Variants in CAVIN1 observed in about 807,000 individuals in gnomAD.
CAVIN1 encodes the protein caveolae associated protein 1.
In CAVIN1, 16 loss-of-function variants were observed where a neutral mutation model predicts 24.0. That is an observed-to-expected ratio of 0.67 (90% confidence interval 0.45 to 1.01). The LOEUF is 1.01. Among genes scored for constraint, CAVIN1 ranks in the 50% least tolerant of loss-of-function variants. The pLI, the probability that CAVIN1 is intolerant of heterozygous loss-of-function variation, is 0.00. For missense variants in CAVIN1, 510 were observed against 551.7 expected (o/e 0.92, Z 0.76); for synonymous variants, 256 against 256.4 (o/e 1.00, Z 0.02).
intron 1 of CAVIN1, among the ~76,000 whole-genome samples, chr17:42,416,149 C>A (rs937997932): frequency 3.3e-5 from 5 of 151,996 alleles, no homozygotes; most frequent in African/African-American, 4.8e-5. Flanking sequence ...AGGTGGATCA[C>A]CTGAGGTCAG....
intron 1 of CAVIN1, among the ~76,000 whole-genome samples, chr17:42,411,207 A>AAAAAAAAAAAAAACAAC: frequency 7.8e-6 from 1 of 127,618 alleles, no homozygotes; most frequent in East Asian, 3.2e-4. Context: ...AAAAAAAAAA[A>AAAAAAAAAAAAAACAAC]AACTAAAAGG....
In CAVIN1 at chr17:42,423,083, C is replaced by A; in HGVS notation, c.15G>T (p.Thr5=). ...GAAGCGGCCGCTCGACAATATAGAGCGTGGGGTCCTCCATGGCTACCCGGA... is the reference window on the plus strand; with the variant it reads ...GAAGCGGCCGCTCGACAATATAGAGAGTGGGGTCCTCCATGGCTACCCGGA... MEDP[T]LYIVERPLPG... Residue 5 remains threonine, a synonymous_variant, in exon 1 of 2, where the codon ACG becomes ACT. Coordinates refer to ENST00000357037, the MANE Select transcript of CAVIN1 (RefSeq NM_012232.6). 1 of 1,587,874 alleles carries A rather than the reference C, an allele frequency of 6.3e-7. No individual in the cohort carries two copies. Among genetic ancestry groups the A allele is most frequent in the Non-Finnish European group, 8.6e-7 (1 of 1,167,336 alleles).
intron 1 of CAVIN1, among the ~76,000 whole-genome samples, chr17:42,407,274 G>T (rs529798931): frequency 6.6e-6 from 1 of 152,020 alleles, no homozygotes; most frequent in Non-Finnish European, 1.5e-5. Context: ...ATGAAGGAAC[G>T]AGAGATAGTC....
rs1000346204 is a variant in CAVIN1, at chr17:42,421,164, C to G, written c.471+1463G>C. On this transcript the variant is annotated intron_variant, in intron 1 of 1. Coordinates refer to ENST00000357037, the MANE Select transcript of CAVIN1 (RefSeq NM_012232.6). ...GTGGGGAGGGGGACAAGTGCCACTT[C>G]TGCCTCTGTCCCACCACCTCAGATA... 3.3e-5 allele frequency among the ~76,000 whole-genome samples: 5 copies of G among 152,134 alleles called. No individual in the cohort carries two copies. In the East Asian group the frequency reaches 9.6e-4, roughly 29 times the overall value.
rs576279592 is a variant in CAVIN1 at position 42,402,528 on chromosome 17, A to G, written c.*2159T>C. ...TGAGAGGTTCCCCAAGCCCACAGAAAACTGCATCTGCCCACAGCTCAGGCC... is the reference window on the plus strand; with the variant it reads ...TGAGAGGTTCCCCAAGCCCACAGAAGACTGCATCTGCCCACAGCTCAGGCC... On this transcript the variant is annotated 3_prime_UTR_variant, in exon 2 of 2. Coordinates refer to ENST00000357037, the MANE Select transcript of CAVIN1 (RefSeq NM_012232.6). The G allele has an allele frequency of 6.6e-6, 1 of 152,426 alleles. No homozygotes were observed. Among genetic ancestry groups the G allele is most frequent in the East Asian group, 1.9e-4 (1 of 5,218 alleles). 9.4% of individuals were successfully genotyped at this position (152,426 alleles called of 1,614,324 possible).
intron 1 of CAVIN1, chr17:42,411,747 C>T: frequency 1.0e-6 from 1 of 985,410 alleles, no homozygotes; most frequent in Non-Finnish European, 1.2e-6. Flanking sequence ...GAACCAGAAG[C>T]CATGCGCCTT....
At position 42,423,145 on chromosome 17, in the gene CAVIN1, G is replaced by T; in HGVS notation, c.-48C>A. On this transcript the variant is annotated 5_prime_UTR_variant, in exon 1 of 2. Coordinates refer to ENST00000357037, the MANE Select transcript of CAVIN1 (RefSeq NM_012232.6). ...CCGGCCGGGTGGGGCTGGAGCTGGA[G>T]CGGGAGACCCGGAGAGAAGCAGGAG... 1.4e-6 allele frequency: 2 copies of T among 1,407,478 alleles called. No homozygotes were observed. The highest frequency in any genetic ancestry group is 1.9e-6 in the Non-Finnish European group (2 of 1,044,264). 87.2% of individuals were successfully genotyped at this position (1,407,478 alleles called of 1,614,324 possible). A position where few individuals can be genotyped will look rare whatever the true frequency, so the allele number is the denominator to read the frequency against.
intron 1 of CAVIN1, chr17:42,411,632 G>A (rs2085479480): frequency 1.0e-6 from 1 of 985,242 alleles, no homozygotes. Context: ...TGGGTGGAGA[G>A]GGCACAGAAC....
chr17:42,416,726 A>C (rs2085514262), intron 1 of CAVIN1, among the ~76,000 whole-genome samples: 1 of 151,770 alleles, frequency 6.6e-6, no homozygotes, highest in South Asian at 2.1e-4. Context: ...ACCCAAACTC[A>C]GTTTGGGAGG....
At chr17:42,415,339 C>G (rs1159974540) in intron 1 of CAVIN1, among the ~76,000 whole-genome samples, 1 of 152,190 alleles carries the variant, frequency 6.6e-6, no homozygotes, top group African/African-American at 2.4e-5. Flanking sequence ...AGTGACTTCC[C>G]CTCTCTGGGC....
chr17:42,408,410 G>T (rs2085457671), intron 1 of CAVIN1, among the ~76,000 whole-genome samples: 1 of 152,164 alleles, frequency 6.6e-6, no homozygotes, highest in Non-Finnish European at 1.5e-5. Flanking sequence ...TATAGCCAAT[G>T]CCATCTTCCT....
At chr17:42,419,551 TC>T in intron 1 of CAVIN1, among the ~76,000 whole-genome samples, 1 of 152,198 alleles carries the variant, frequency 6.6e-6, no homozygotes, top group African/African-American at 2.4e-5. Context: ...CCTCAAGTGA[TC>T]CACCTGCCTC....
At chr17:42,407,665 C>T (rs997540370) in intron 1 of CAVIN1, among the ~76,000 whole-genome samples, 2 of 152,208 alleles carry the variant, frequency 1.3e-5, no homozygotes, top group African/African-American at 4.8e-5. Flanking sequence ...CTCTGTTACC[C>T]AACTACACCT....
rs544357797 is a variant in CAVIN1 at position 42,407,033 on chromosome 17, T to C, written c.472-1645A>G. ...CCATGACCCTGGAGCTCAGAACCAGTTCTTTGCTTTTCTGTCTTCTCCTTG... is the reference window on the plus strand; with the variant it reads ...CCATGACCCTGGAGCTCAGAACCAGCTCTTTGCTTTTCTGTCTTCTCCTTG... On this transcript the variant is annotated intron_variant, in intron 1 of 1. Coordinates refer to ENST00000357037, the MANE Select transcript of CAVIN1 (RefSeq NM_012232.6). 5.9e-5 allele frequency among the ~76,000 whole-genome samples: 9 copies of C among 151,964 alleles called. No homozygotes were observed. In the East Asian group the frequency reaches 1.7e-3, roughly 30 times the overall value.
chr17:42,420,066 TC>T (rs1394955854), intron 1 of CAVIN1, among the ~76,000 whole-genome samples: 1 of 144,302 alleles, frequency 6.9e-6, no homozygotes, highest in African/African-American at 2.6e-5. Flanking sequence ...GGCCTTCCCA[TC>T]CCTTGGTGTT....
In CAVIN1 at chr17:42,423,039, T is replaced by C; in HGVS notation, c.59A>G (p.Glu20Gly). ...ERPLPGYPDA[E>G]APEPSSAGAQ... ...CCCAGCGGAGGAAGGCTCCGGGGCC[T>C]CGGCGTCGGGGTACCCGGGAAGCGG... Residue 20 changes from glutamate to glycine, a missense_variant, in exon 1 of 2, where the codon GAG becomes GGG. By Grantham distance (98) the Glu-to-Gly change is moderately conservative (BLOSUM62 -2). Coordinates refer to ENST00000357037, the MANE Select transcript of CAVIN1 (RefSeq NM_012232.6). 2.5e-6 allele frequency: 4 copies of C among 1,610,804 alleles called. No individual in the cohort carries two copies. Among genetic ancestry groups the C allele is most frequent in the Non-Finnish European group, 3.4e-6 (4 of 1,179,052 alleles).
chr17:42,419,254 T>C (rs2053325383), intron 1 of CAVIN1, among the ~76,000 whole-genome samples: 1 of 152,124 alleles, frequency 6.6e-6, no homozygotes, highest in Non-Finnish European at 1.5e-5. Flanking sequence ...ATTGGTTCTT[T>C]AATGATCATA....
Position 42,405,043 on chromosome 17 carries a change from GCTTCTCCAGGGTGTGCCGCGT to G in CAVIN1, c.796_816del (p.Thr266_Lys272del), listed in dbSNP as rs1567776284. 1 of 1,614,154 alleles carries G rather than the reference GCTTCTCCAGGGTGTGCCGCGT, an allele frequency of 6.2e-7. No individual in the cohort carries two copies. Among genetic ancestry groups the G allele is most frequent in the Admixed American group, 1.7e-5 (1 of 60,020 alleles). On this transcript the variant is annotated inframe_deletion, in exon 2 of 2. Transcript: ENST00000357037. ...AGGCGCGTGCCCAGCTTGTTCATGC[GCTTCTCCAGGGTGTGCCGCGT>G]CTTCTCCAGGTTTTCCTTGGTCTTG... is the stretch of plus-strand genomic sequence containing the variant.
chr17:42,419,764 C>T (rs1229295593), intron 1 of CAVIN1, among the ~76,000 whole-genome samples: 1 of 152,140 alleles, frequency 6.6e-6, no homozygotes, highest in South Asian at 2.1e-4. Context: ...AATGCAATGT[C>T]AAACTGCTAG....
Sources: allele counts gnomAD v4.1 joint callset (sites outside exome capture counted in the v4.1 genomes callset), GRCh38; gene constraint gnomAD v4.1.1; transcripts MANE v1.5; gene names NCBI Gene and HGNC (gene_info 2026-07-23, HGNC 2026-07-21).